Variants in MCTP1 observed in about 807,000 individuals in gnomAD.
The protein encoded by MCTP1 is multiple C2 and transmembrane domain-containing protein 1.
In MCTP1, 69 loss-of-function variants were observed where a neutral mutation model predicts 120.6. The ratio of observed to expected loss-of-function variants is 0.57; its 90% confidence interval spans 0.47 to 0.70. MCTP1 has a LOEUF of 0.70. Ranked by LOEUF, MCTP1 falls within the 30% of genes least tolerant of loss-of-function variation. The pLI is 0.00. For synonymous variants in MCTP1, 529 were observed against 493.1 expected (o/e 1.07, Z -0.96); for missense variants, 1,203 against 1,248.8 (o/e 0.96, Z 0.55).
intron 9 of MCTP1, among the ~76,000 whole-genome samples, chr5:94,911,204 A>G (rs1014756924): frequency 3.3e-4 from 51 of 152,328 alleles, no homozygotes; most frequent in African/African-American, 1.2e-3. Context: ...AGGTGAATAA[A>G]TGCCCATCAG....
Position 95,048,029 on chromosome 5 carries a change from T to C in MCTP1, c.721-30545A>G, listed in dbSNP as rs184184374. ...TTTGATGATTATTGCATTTAAGATA[T>C]GTTAAGTACAAGGAGCTAGATATAC... On this transcript the variant is annotated intron_variant, in intron 1 of 22. Transcript: ENST00000515393. Among the ~76,000 whole-genome samples the C allele has an allele frequency of 9.7e-4, 147 of 152,320 alleles. 3 individuals carry two copies. Among genetic ancestry groups the C allele is most frequent in the Admixed American group, 7.6e-3 (116 of 15,292 alleles).
At chr5:95,199,692 T>C (rs1343588053) in intron 1 of MCTP1, among the ~76,000 whole-genome samples, 1 of 151,962 alleles carries the variant, frequency 6.6e-6, no homozygotes, top group Middle Eastern at 3.2e-3. Flanking sequence ...ATCCCGTCTC[T>C]ATTAAAAATA....
intron 10 of MCTP1, among the ~76,000 whole-genome samples, chr5:94,906,890 T>C (rs1382404379): frequency 6.6e-6 from 1 of 152,144 alleles, no homozygotes. Flanking sequence ...GTCTCTACTT[T>C]CAAAATTAAC....
chr5:95,191,298 G>A lies in MCTP1; in HGVS notation c.720+92558C>T, dbSNP rs555353437. ...ATTCCTTTGATCTAACTATATATTT[G>A]TACCCATTTGTATTTAGACAGTTTA... On this transcript the variant is annotated intron_variant, in intron 1 of 22. Coordinates refer to ENST00000515393, the MANE Select transcript of MCTP1 (RefSeq NM_024717.7). Among the ~76,000 whole-genome samples, 32 of 151,936 alleles carry A rather than the reference G, an allele frequency of 2.1e-4. No individual in the cohort carries two copies. In the South Asian group the frequency reaches 6.4e-3, roughly 31 times the overall value.
chr5:94,876,243 G>A (rs1235911359), intron 12 of MCTP1, among the ~76,000 whole-genome samples: 2 of 152,116 alleles, frequency 1.3e-5, no homozygotes, highest in African/African-American at 4.8e-5. Flanking sequence ...AGAAATACTA[G>A]TGATGGACCT....
chr5:95,006,739 C>G (rs1834839551), intron 2 of MCTP1, among the ~76,000 whole-genome samples: 1 of 152,186 alleles, frequency 6.6e-6, no homozygotes, highest in Non-Finnish European at 1.5e-5. Context: ...TCTGATGATA[C>G]AAGTTGCATT....
intron 19 of MCTP1, among the ~76,000 whole-genome samples, chr5:94,755,217 G>A (rs867616611): frequency 2.0e-5 from 3 of 152,010 alleles, no homozygotes; most frequent in Non-Finnish European, 2.9e-5. Context: ...GCTCCTCACC[G>A]GGAGGATCCC....
rs550425464 is a variant in MCTP1, at chr5:94,929,554, A to G, written c.1212+2399T>C. 19 of 714,470 alleles carry G rather than the reference A, an allele frequency of 2.7e-5. No homozygotes were observed. In the African/African-American group the frequency reaches 3.1e-4, roughly 12 times the overall value. 44.3% of individuals were successfully genotyped at this position (714,470 alleles called of 1,614,324 possible). A position where few individuals can be genotyped will look rare whatever the true frequency, so the allele number is the denominator to read the frequency against. Reference sequence around the variant, plus strand: ...CAAGAATTTTTAAGAAGATTGAAATATTTAGAAAATGATGCATTTTCATAA... The same window carrying G: ...CAAGAATTTTTAAGAAGATTGAAATGTTTAGAAAATGATGCATTTTCATAA... On this transcript the variant is annotated intron_variant, in intron 6 of 22. Transcript: ENST00000515393.
intron 1 of MCTP1, among the ~76,000 whole-genome samples, chr5:95,228,527 G>A (rs1021073427): frequency 6.6e-6 from 1 of 151,846 alleles, no homozygotes; most frequent in Non-Finnish European, 1.5e-5. Context: ...GGGTCACCAG[G>A]GAAGGTTTGT....
In MCTP1 at chr5:94,705,675, T is replaced by G. The variant is rs1754390295; in HGVS notation, c.*1821A>C. On this transcript the variant is annotated 3_prime_UTR_variant, in exon 23 of 23. Transcript: ENST00000515393. The stretch of plus-strand genomic sequence containing the variant: ...ATGGTTACTATCCACTAGATACATC[T>G]GAGGTTGTAGAATATCAGGCTTATA... The G allele has an allele frequency of 6.6e-6, 1 of 151,670 alleles. No homozygotes were observed. Among genetic ancestry groups the G allele is most frequent in the African/African-American group, 2.4e-5 (1 of 41,374 alleles). 9.4% of individuals were successfully genotyped at this position (151,670 alleles called of 1,614,324 possible). A position where few individuals can be genotyped will look rare whatever the true frequency, so the allele number is the denominator to read the frequency against.
chr5:95,145,889 G>A (rs888652762), intron 1 of MCTP1, among the ~76,000 whole-genome samples: 2 of 152,120 alleles, frequency 1.3e-5, no homozygotes, highest in African/African-American at 4.8e-5. Context: ...ATATCAGGAT[G>A]ATACTGGCTT....
At chr5:95,030,485 T>A (rs1262616036) in intron 1 of MCTP1, among the ~76,000 whole-genome samples, 1 of 152,170 alleles carries the variant, frequency 6.6e-6, no homozygotes, top group Non-Finnish European at 1.5e-5. Context: ...AGGTCATATG[T>A]TGGCTCATGC....
chr5:94,973,196 G>A, intron 2 of MCTP1, among the ~76,000 whole-genome samples: 1 of 152,164 alleles, frequency 6.6e-6, no homozygotes, highest in Non-Finnish European at 1.5e-5. Flanking sequence ...AGCAGTGGCA[G>A]CTCTAGAATC....
chr5:95,126,341 TTTAACTTGGC>T (rs1758629676), intron 1 of MCTP1, among the ~76,000 whole-genome samples: 1 of 152,228 alleles, frequency 6.6e-6, no homozygotes, highest in South Asian at 2.1e-4. Flanking sequence ...GCTACTTGTG[TTTAACTTGGC>T]TCATATTAAA....
chr5:95,224,830 C>T (rs959007521), intron 1 of MCTP1, among the ~76,000 whole-genome samples: 1 of 152,048 alleles, frequency 6.6e-6, no homozygotes, highest in Non-Finnish European at 1.5e-5. Context: ...TCTTTAACAC[C>T]CCCAATCATT....
At chr5:94,788,192 T>C (rs1778161262) in intron 18 of MCTP1, among the ~76,000 whole-genome samples, 1 of 152,222 alleles carries the variant, frequency 6.6e-6, no homozygotes, top group Admixed American at 6.5e-5. Context: ...TGATAGAGTA[T>C]ACTAGTTTCT....
chr5:95,245,158 T>C (rs948741483), intron 1 of MCTP1, among the ~76,000 whole-genome samples: 3 of 152,048 alleles, frequency 2.0e-5, no homozygotes, highest in East Asian at 3.9e-4. Flanking sequence ...CAAAACCCCA[T>C]CTGTAGGTCA....
chr5:95,245,956 A>C (rs1756726252), intron 1 of MCTP1, among the ~76,000 whole-genome samples: 1 of 152,250 alleles, frequency 6.6e-6, no homozygotes, highest in Non-Finnish European at 1.5e-5. Context: ...CACAAAGGGA[A>C]GCCCATCAGA....
chr5:94,761,808 G>A (rs1442864178), intron 19 of MCTP1, among the ~76,000 whole-genome samples: 2 of 152,170 alleles, frequency 1.3e-5, no homozygotes, highest in Non-Finnish European at 2.9e-5. Flanking sequence ...AGTCTTGCTT[G>A]ACTACTAAGA....
Sources: gnomAD v4.1 joint callset for allele counts (sites outside exome capture counted in the v4.1 genomes callset) on GRCh38, gnomAD v4.1.1 for gene constraint, MANE v1.5 for transcripts, NCBI Gene and HGNC (gene_info 2026-07-23, HGNC 2026-07-21) for gene names.